The following MAPK11 variants were observed in gnomAD, a reference collection of about 807,000 sequenced individuals.
MAPK11 encodes the protein MAP kinase 11.
A neutral mutation model predicts 52.2 loss-of-function variants in MAPK11; 44 were observed. The observed-to-expected ratio is 0.84, with a 90% CI of 0.66 to 1.08. The LOEUF (loss-of-function observed/expected upper bound fraction) is 1.08. Ranked by LOEUF, MAPK11 falls within the 50% of genes least tolerant of loss-of-function variation. MAPK11 has a pLI of 0.00. For missense variants in MAPK11, 436 were observed against 494.7 expected (o/e 0.88, Z 1.13); for synonymous variants, 233 against 206.3 (o/e 1.13, Z -1.11).
chr22:50,267,675 G>T (rs773555904), intron 2 of MAPK11, 48 bp from the exon 3 acceptor site: 3 of 1,491,158 alleles, frequency 2.0e-6, no homozygotes, highest in Middle Eastern at 2.2e-4. Flanking sequence ...CCCGGCTGTC[G>T]TTCAGCTCCC....
In MAPK11 at chr22:50,264,309, C is replaced by T. The variant is rs201353279; in HGVS notation, c.*639G>A. The T allele has an allele frequency of 6.6e-6, 1 of 152,440 alleles. No homozygotes were observed. Among genetic ancestry groups the T allele is most frequent in the Non-Finnish European group, 1.5e-5 (1 of 68,236 alleles). The allele number at this position is 152,440 out of a possible 1,614,324, so 9.4% of individuals were successfully genotyped here. A position where few individuals can be genotyped will look rare whatever the true frequency, so the allele number is the denominator to read the frequency against. On this transcript the variant is annotated 3_prime_UTR_variant, in exon 12 of 12. Transcript: ENST00000330651. Reference sequence around the variant, plus strand: ...TCACATGTGCCCTGACATATGAACACGGGGAGTGCACGCTCATCCACACGT... The same window carrying T: ...TCACATGTGCCCTGACATATGAACATGGGGAGTGCACGCTCATCCACACGT...
intron 1 of MAPK11, among the ~76,000 whole-genome samples, chr22:50,268,959 C>T (rs1387186643): frequency 6.6e-6 from 1 of 152,196 alleles, no homozygotes; most frequent in South Asian, 2.1e-4. Flanking sequence ...CCAATTGCAT[C>T]TGTGCGGTCA....
rs1056198760 is a variant in MAPK11 at position 50,265,569 on chromosome 22, G to C, written c.841+13C>G. 3 of 1,612,424 alleles carry C rather than the reference G, an allele frequency of 1.9e-6. No homozygotes were observed. The highest frequency in any genetic ancestry group is 3.3e-5 in the Admixed American group (2 of 59,962). On this transcript the variant is annotated intron_variant, in intron 10 of 11. Coordinates refer to ENST00000330651, the MANE Select transcript of MAPK11 (RefSeq NM_002751.7). ...CAGATATGGAGCCCAGTCTAGCCCA[G>C]GGCAGTCCTCACCCAGGGGGTTGGC...
At chr22:50,267,077 T>C (rs772104614) in intron 6 of MAPK11, 29 bp from the exon 7 acceptor site, 1 of 1,611,360 alleles carries the variant, frequency 6.2e-7, no homozygotes. Flanking sequence ...GTTCTCAAGC[T>C]CCGCACGGGC....
intron 11 of MAPK11, 32 bp from the exon 12 acceptor site, chr22:50,265,059 C>T (rs2065251530): frequency 6.4e-7 from 1 of 1,567,654 alleles, no homozygotes; most frequent in Non-Finnish European, 8.8e-7. Context: ...TGAGCTTGTG[C>T]CTCCCACAGC....
At position 50,267,593 on chromosome 22, in the gene MAPK11, G is replaced by A. The variant is rs757207162; in HGVS notation, c.281C>T (p.Thr94Met). ...IGLLDVFTPA[T>M]SIEDFSEVYL... ...CACTTCGCTGAAGTCCTCGATGGACGTGGCCGGCGTGAAGACGTCCAGAAG... is the reference window on the plus strand; with the variant it reads ...CACTTCGCTGAAGTCCTCGATGGACATGGCCGGCGTGAAGACGTCCAGAAG... The change falls in exon 3 of 12, where the codon ACG becomes ATG. Residue 94 changes from threonine (T) to methionine (M), a missense_variant. Thr to Met is a moderately conservative substitution (Grantham distance 81). Transcript: ENST00000330651. 2.6e-6 allele frequency: 4 copies of A among 1,544,882 alleles called. No individual in the cohort carries two copies. The highest frequency in any genetic ancestry group is 1.2e-5 in the South Asian group (1 of 84,234).
chr22:50,266,796 G>A, intron 7 of MAPK11, 138 bp downstream of exon 7: 2 of 978,378 alleles, frequency 2.0e-6, no homozygotes, highest in Non-Finnish European at 3.2e-6. Context: ...TGCTCTAGCG[G>A]CCTCTGAAGG....
In MAPK11 at chr22:50,267,930, G is replaced by A. The variant is rs1297273926; in HGVS notation, c.136C>T (p.Leu46=). The A allele has an allele frequency of 1.9e-6, 3 of 1,577,012 alleles. No homozygotes were observed. Among genetic ancestry groups the A allele is most frequent in the Non-Finnish European group, 2.6e-6 (3 of 1,164,184 alleles). ...GSVCSAYDAR[L]RQKVAVKKLS... is the part of the protein sequence containing the mutation. ...TTCTTCACCGCCACCTTCTGGCGCA[G>A]CCGGGCGTCGTAGGCCGAACTGGAA... Residue 46 remains leucine, a synonymous_variant, in exon 2 of 12, where the codon CTG becomes TTG. Transcript: ENST00000330651.
In MAPK11 at chr22:50,267,478, A is replaced by T; in HGVS notation, c.310T>A (p.Leu104Met). 6.2e-7 allele frequency: 1 copy of T among 1,605,296 alleles called. No individual in the cohort carries two copies. The highest frequency in any genetic ancestry group is 8.5e-7 in the Non-Finnish European group (1 of 1,176,620). ...TSIEDFSEVY[L>M]VTTLMGADLN... ...TCGGCGCCCATCAGGGTGGTCACCA[A>T]GTACCTGGGGCGGGGTCAGGGGGTC... The change falls in exon 4 of 12, where the codon TTG becomes ATG. Residue 104 changes from leucine (L) to methionine (M), a missense_variant. Leu to Met is a conservative substitution (Grantham distance 15, BLOSUM62 2). Coordinates refer to ENST00000330651, the MANE Select transcript of MAPK11 (RefSeq NM_002751.7).
chr22:50,267,367 C>T lies in MAPK11; in HGVS notation c.417+4G>A. The T allele has an allele frequency of 6.2e-7, 1 of 1,606,766 alleles. No homozygotes were observed. The highest frequency in any genetic ancestry group is 8.5e-7 in the Non-Finnish European group (1 of 1,177,202). ...GAGGACCCGCGAAGCCCAGGGCGCC[C>T]CACCTTCAGCCCGCGCAGCAGCTGG... On this transcript the variant is annotated splice_donor_region_variant and intron_variant, in intron 4 of 11. Coordinates refer to ENST00000330651, the MANE Select transcript of MAPK11 (RefSeq NM_002751.7).
chr22:50,267,134 T>G lies in MAPK11; in HGVS notation c.488A>C (p.Glu163Ala), dbSNP rs749552440. ...CCTGCCCACGGGCCTCACCCTGAGCTCACAGTCCTCGTTCACAGCCACGTT... is the reference window on the plus strand; with the variant it reads ...CCTGCCCACGGGCCTCACCCTGAGCGCACAGTCCTCGTTCACAGCCACGTT... The part of the protein sequence containing the change: ...PSNVAVNEDC[E>A]LRILDFGLAR... Residue 163 changes from glutamate (E) to alanine (A), a missense_variant, in exon 6 of 12, where the codon GAG becomes GCG. Physicochemically the swap from Glu to Ala is moderately radical, Grantham distance 107. Coordinates refer to ENST00000330651, the MANE Select transcript of MAPK11 (RefSeq NM_002751.7). 1 of 1,611,900 alleles carries G rather than the reference T, an allele frequency of 6.2e-7. No homozygotes were observed. The highest frequency in any genetic ancestry group is 1.7e-5 in the Admixed American group (1 of 59,928).
Position 50,265,581 on chromosome 22 carries a change from C to A in MAPK11, c.841+1G>T, listed in dbSNP as rs1182406928. The A allele has an allele frequency of 6.2e-7, 1 of 1,612,324 alleles. No homozygotes were observed. The highest frequency in any genetic ancestry group is 2.2e-5 in the East Asian group (1 of 44,876). On this transcript the variant is annotated splice_donor_variant, in intron 10 of 11. Transcript: ENST00000330651. LOFTEE classifies it high-confidence loss of function. ...CCAGTCTAGCCCAGGGCAGTCCTCA[C>A]CCAGGGGGTTGGCTCCACGGAAGAT...
chr22:50,270,251 G>A lies in MAPK11; in HGVS notation c.42C>T (p.Asn14=). ...PRAGFYRQEL[N]KTVWEVPQRL... ...GCTGCGGCACCTCCCACACGGTCTT[G>A]TTCAGCTCCTGCCGGTAGAAGCCGG... Residue 14 remains asparagine, a synonymous_variant, in exon 1 of 12, where the codon AAC becomes AAT. Coordinates refer to ENST00000330651, the MANE Select transcript of MAPK11 (RefSeq NM_002751.7). This position sits in a 1 kb window ranked among gnomAD's most constrained non-coding sequence, Gnocchi z 6.3. The A allele has an allele frequency of 6.8e-7, 1 of 1,472,808 alleles. No homozygotes were observed. The highest frequency in any genetic ancestry group is 9.0e-7 in the Non-Finnish European group (1 of 1,113,188). The allele number at this position is 1,472,808 out of a possible 1,614,324, so 91.2% of individuals were successfully genotyped here.
Position 50,267,609 on chromosome 22 carries a change from C to T in MAPK11, c.265G>A (p.Val89Ile). The T allele has an allele frequency of 6.5e-7, 1 of 1,542,732 alleles. No individual in the cohort carries two copies. Among genetic ancestry groups the T allele is most frequent in the Non-Finnish European group, 8.7e-7 (1 of 1,144,812 alleles). ...KHENVIGLLD[V>I]FTPATSIEDF... The stretch of plus-strand genomic sequence containing the variant: ...TCGATGGACGTGGCCGGCGTGAAGA[C>T]GTCCAGAAGCCCGATGACCTAGGTG... The change falls in exon 3 of 12, where the codon GTC becomes ATC. Residue 89 changes from valine to isoleucine, a missense_variant. Coordinates refer to ENST00000330651, the MANE Select transcript of MAPK11 (RefSeq NM_002751.7).
Position 50,267,634 on chromosome 22 carries a change from G to A in MAPK11, c.247-7C>T, listed in dbSNP as rs1207083116. On this transcript the variant is annotated splice_region_variant and splice_polypyrimidine_tract_variant and intron_variant, in intron 2 of 11. Transcript: ENST00000330651. Reference sequence around the variant, plus strand: ...CGTCCAGAAGCCCGATGACCTAGGTGGCGGGGGGCGTCAGGGCCGGGCGAC... The same window carrying A: ...CGTCCAGAAGCCCGATGACCTAGGTAGCGGGGGGCGTCAGGGCCGGGCGAC... The A allele has an allele frequency of 2.0e-6, 3 of 1,535,742 alleles. No individual in the cohort carries two copies. The highest frequency in any genetic ancestry group is 1.8e-4 in the Middle Eastern group (1 of 5,522).
At position 50,270,242 on chromosome 22, in the gene MAPK11, C is replaced by G; in HGVS notation, c.51G>C (p.Val17=). Reference sequence around the variant, plus strand: ...CCTGCAGCCGCTGCGGCACCTCCCACACGGTCTTGTTCAGCTCCTGCCGGT... The same window carrying G: ...CCTGCAGCCGCTGCGGCACCTCCCAGACGGTCTTGTTCAGCTCCTGCCGGT... ...GFYRQELNKT[V]WEVPQRLQGL... Residue 17 remains valine (V), a synonymous_variant, in exon 1 of 12, where the codon GTG becomes GTC. Coordinates refer to ENST00000330651, the MANE Select transcript of MAPK11 (RefSeq NM_002751.7). The surrounding 1 kb of genome is among the most constrained non-coding windows in gnomAD (Gnocchi z 6.3). The G allele has an allele frequency of 3.3e-6, 5 of 1,508,528 alleles. No homozygotes were observed. Among genetic ancestry groups the G allele is most frequent in the Non-Finnish European group, 4.4e-6 (5 of 1,134,248 alleles). 93.4% of individuals were successfully genotyped at this position (1,508,528 alleles called of 1,614,324 possible).
rs541231384 is a variant in MAPK11, at chr22:50,267,327, C to T, written c.418-41G>A. 2.5e-6 allele frequency: 4 copies of T among 1,586,304 alleles called. No homozygotes were observed. The South Asian group carries it at 3.4e-5, about 13-fold the overall frequency. On this transcript the variant is annotated intron_variant, in intron 4 of 11. Transcript: ENST00000330651. Reference sequence around the variant, plus strand: ...TGTGGTGAGCGCCGGGCCCGGCCCGCCCGCCCCCCTGCGAGAGGACCCGCG... The same window carrying T: ...TGTGGTGAGCGCCGGGCCCGGCCCGTCCGCCCCCCTGCGAGAGGACCCGCG...
At position 50,264,801 on chromosome 22, in the gene MAPK11, G is replaced by A. The variant is rs200963367; in HGVS notation, c.*147C>T. 3.3e-4 allele frequency: 201 copies of A among 615,058 alleles called. 3 individuals are homozygous for A. The South Asian group carries it at 3.8e-3, about 12-fold the overall frequency. 38.1% of individuals were successfully genotyped at this position (615,058 alleles called of 1,614,324 possible). On this transcript the variant is annotated 3_prime_UTR_variant, in exon 12 of 12. Coordinates refer to ENST00000330651, the MANE Select transcript of MAPK11 (RefSeq NM_002751.7). ...CATGTTTGTGCATGCATACATGCGT[G>A]TAGATTCTCCTGAAGGCGAGGGGTC...
intron 2 of MAPK11, 91 bp from the exon 3 acceptor site, chr22:50,267,718 CCCT>C: frequency 1.4e-6 from 2 of 1,440,022 alleles, no homozygotes; most frequent in Admixed American, 2.6e-5. Context: ...AGGCCGCGCC[CCCT>C]GTGTCCCCGC....
Sources: allele counts gnomAD v4.1 joint callset (sites outside exome capture counted in the v4.1 genomes callset), GRCh38; gene constraint gnomAD v4.1.1; non-coding constraint Gnocchi (gnomAD v3.1); transcripts MANE v1.5; gene names NCBI Gene and HGNC (gene_info 2026-07-23, HGNC 2026-07-21).